The following CELF2 variants were observed in gnomAD, a reference collection of about 807,000 sequenced individuals.
CELF2 encodes the protein CUG triplet repeat RNA-binding protein 2.
In CELF2, 8 loss-of-function variants were observed where a neutral mutation model predicts 62.6. The ratio of observed to expected loss-of-function variants is 0.13; its 90% CI spans 0.07 to 0.23. The LOEUF is 0.23. Among genes scored for constraint, CELF2 ranks in the 10% least tolerant of loss-of-function variants. The pLI, the probability that CELF2 is intolerant of heterozygous loss-of-function variation, is 1.00. For missense variants in CELF2, 333 were observed against 671.0 expected (o/e 0.50, Z 5.56); for synonymous variants, 258 against 250.0 (o/e 1.03, Z -0.30).
the CELF2 span, among the ~76,000 whole-genome samples, chr10:10,639,952 C>T: frequency 1.3e-5 from 2 of 152,086 alleles, no homozygotes; most frequent in African/African-American, 4.8e-5. Context: ...CCTTCCTGTC[C>T]TTGTGTGTCC....
At chr10:10,696,538 G>C in the CELF2 span, among the ~76,000 whole-genome samples, 1 of 151,840 alleles carries the variant, frequency 6.6e-6, no homozygotes, top group Non-Finnish European at 1.5e-5. Flanking sequence ...CACCCAGTTC[G>C]AGCTTCCCTG....
chr10:11,257,848 C>G lies in CELF2; in HGVS notation c.514C>G (p.Arg172Gly). ...CCAGATAGAAGAATGCCGGATCCTC[C>G]GGGGACCTGATGGGCTGAGTCGAGG... ...FGQIEECRIL[R>G]GPDGLSRGCA... Residue 172 changes from arginine (R) to glycine (G), a missense_variant, in exon 5 of 13, where the codon CGG (arginine) becomes GGG (glycine). Physicochemically the swap from Arg to Gly is moderately radical, Grantham distance 125. Coordinates refer to ENST00000633077, the MANE Select transcript of CELF2 (RefSeq NM_001326342.2). 6.2e-7 allele frequency: 1 copy of G among 1,614,166 alleles called. No homozygotes were observed. Among genetic ancestry groups the G allele is most frequent in the Non-Finnish European group, 8.5e-7 (1 of 1,180,024 alleles).
chr10:10,490,958 G>A, the CELF2 span, among the ~76,000 whole-genome samples: 2 of 152,184 alleles, frequency 1.3e-5, no homozygotes, highest in African/African-American at 4.8e-5. Flanking sequence ...AACAGCATTA[G>A]AGGAGCAAAT....
chr10:10,656,874 A>G, the CELF2 span, among the ~76,000 whole-genome samples: 2 of 151,426 alleles, frequency 1.3e-5, no homozygotes, highest in Non-Finnish European at 2.9e-5. Flanking sequence ...AGTATAATTA[A>G]AAAAATAAAA....
chr10:10,891,388 A>G (rs1013621786), intron 1 of CELF2, among the ~76,000 whole-genome samples: 1 of 152,060 alleles, frequency 6.6e-6, no homozygotes, highest in African/African-American at 2.4e-5. Flanking sequence ...TGCACATGAC[A>G]AAAATCTCAA....
chr10:10,558,175 C>T, the CELF2 span, among the ~76,000 whole-genome samples: 1 of 152,160 alleles, frequency 6.6e-6, no homozygotes, highest in Non-Finnish European at 1.5e-5. Flanking sequence ...GTGGGTTTGT[C>T]ATAGATAGCT....
chr10:10,976,277 T>G (rs1254676343), intron 2 of CELF2, among the ~76,000 whole-genome samples: 2 of 152,206 alleles, frequency 1.3e-5, no homozygotes, highest in African/African-American at 4.8e-5. Flanking sequence ...ATCAGGAAAC[T>G]TGGGCTTGGA....
At chr10:10,782,615 TC>T in the CELF2 span, among the ~76,000 whole-genome samples, 7 of 152,226 alleles carry the variant, frequency 4.6e-5, no homozygotes, top group South Asian at 1.5e-3. Context: ...ACAGTGTCCT[TC>T]CCCCCTTGCC....
intron 2 of CELF2, among the ~76,000 whole-genome samples, chr10:10,935,739 C>A (rs895050469): frequency 6.6e-6 from 1 of 152,214 alleles, no homozygotes; most frequent in African/African-American, 2.4e-5. Context: ...TTTAGGAATT[C>A]TCATAATCCA....
chr10:11,231,654 A>C (rs1589479485), intron 3 of CELF2, among the ~76,000 whole-genome samples: 1 of 151,544 alleles, frequency 6.6e-6, no homozygotes, highest in African/African-American at 2.4e-5. Context: ...CAGAAAAAAA[A>C]AAATCCTGTT....
intron 2 of CELF2, among the ~76,000 whole-genome samples, chr10:10,950,534 C>G (rs1478378218): frequency 6.6e-6 from 1 of 152,044 alleles, no homozygotes; most frequent in Non-Finnish European, 1.5e-5. Context: ...TCTTTAATAG[C>G]GCCTTATCAT....
chr10:10,899,520 G>C (rs979305839), intron 1 of CELF2, among the ~76,000 whole-genome samples: 1 of 152,168 alleles, frequency 6.6e-6, no homozygotes, highest in Non-Finnish European at 1.5e-5. Flanking sequence ...TTTTGGCTTT[G>C]AGGGCCACAA....
At chr10:10,800,601 C>T (rs542723104) in intron 1 of CELF2, among the ~76,000 whole-genome samples, 3 of 152,230 alleles carry the variant, frequency 2.0e-5, no homozygotes, top group African/African-American at 7.2e-5. Flanking sequence ...GATACACCCT[C>T]TTTGTTGAAA....
chr10:11,058,994 G>T (rs1192097510), intron 1 of CELF2, among the ~76,000 whole-genome samples: 1 of 152,082 alleles, frequency 6.6e-6, no homozygotes, highest in Non-Finnish European at 1.5e-5. Flanking sequence ...TCTTGCGTAG[G>T]CTGGTCTCAA....
the CELF2 span, among the ~76,000 whole-genome samples, chr10:10,602,619 A>G: frequency 6.6e-6 from 1 of 152,144 alleles, no homozygotes; most frequent in Non-Finnish European, 1.5e-5. Flanking sequence ...GATGTTTTTT[A>G]ATTAATAAAT....
intron 2 of CELF2, among the ~76,000 whole-genome samples, chr10:10,973,612 G>A (rs374040178): frequency 2.0e-5 from 3 of 152,126 alleles, no homozygotes; most frequent in South Asian, 4.1e-4. Context: ...AAATGCCTAG[G>A]CTGGACTGCA....
intron 1 of CELF2, among the ~76,000 whole-genome samples, chr10:10,805,388 C>T (rs2055109508): frequency 6.6e-6 from 1 of 152,234 alleles, no homozygotes; most frequent in Admixed American, 6.5e-5. Flanking sequence ...GAAAATTTTG[C>T]ACCACGTAAT....
chr10:10,605,758 C>T, the CELF2 span, among the ~76,000 whole-genome samples: 5 of 152,192 alleles, frequency 3.3e-5, no homozygotes, highest in Non-Finnish European at 4.4e-5. Flanking sequence ...GGGTCACATC[C>T]ATCCTGTGAG....
intron 2 of CELF2, among the ~76,000 whole-genome samples, chr10:11,203,739 T>G (rs867431006): frequency 1.3e-4 from 20 of 152,188 alleles, no homozygotes; most frequent in African/African-American, 4.3e-4. Context: ...GTGACTGAAG[T>G]TTGTCACTTT....
Sources: allele counts gnomAD v4.1 joint callset (sites outside exome capture counted in the v4.1 genomes callset), GRCh38; gene constraint gnomAD v4.1.1; transcripts MANE v1.5; gene names NCBI Gene and HGNC (gene_info 2026-07-23, HGNC 2026-07-21).